Variants in NARS2 observed in about 807,000 individuals in gnomAD.
NARS2 encodes the protein asparaginyl-tRNA synthetase.
In NARS2, 60 loss-of-function variants were observed where a neutral mutation model predicts 62.9. The ratio of observed to expected loss-of-function variants is 0.95; its 90% CI spans 0.77 to 1.18. The LOEUF (loss-of-function observed/expected upper bound fraction) is 1.18. Among genes scored for constraint, NARS2 ranks in the 50% most tolerant of loss-of-function variants. The probability of loss-of-function intolerance (pLI) is 0.00; values close to 1 mark genes in which losing one functional copy is unlikely to be tolerated. For missense variants in NARS2, 619 were observed against 576.4 expected (o/e 1.07, Z -0.76); for synonymous variants, 196 against 200.0 (o/e 0.98, Z 0.17).
chr11:78,463,158 A>C (rs1009876013), intron 11 of NARS2, among the ~76,000 whole-genome samples: 15 of 152,122 alleles, frequency 9.9e-5, no homozygotes, highest in African/African-American at 2.7e-4. Flanking sequence ...TCGAGTTCCT[A>C]GGCTCCAGTA....
chr11:78,543,806 G>A (rs1410213266), intron 5 of NARS2, among the ~76,000 whole-genome samples: 1 of 152,034 alleles, frequency 6.6e-6, no homozygotes, highest in Non-Finnish European at 1.5e-5. Flanking sequence ...GCCAAGGCGG[G>A]CAGACCACGA....
intron 5 of NARS2, among the ~76,000 whole-genome samples, chr11:78,552,574 A>G (rs1856168348): frequency 6.6e-6 from 1 of 152,126 alleles, no homozygotes; most frequent in Non-Finnish European, 1.5e-5. Context: ...TTCTATTCAA[A>G]GTCATCCCTC....
chr11:78,458,709 C>G (rs1176248037), intron 11 of NARS2, among the ~76,000 whole-genome samples: 3 of 152,170 alleles, frequency 2.0e-5, no homozygotes, highest in Admixed American at 6.5e-5. Flanking sequence ...AGGTGTCCAC[C>G]ACGTCCCAGG....
chr11:78,564,222 A>T (rs1036100456), intron 4 of NARS2, among the ~76,000 whole-genome samples: 1 of 151,630 alleles, frequency 6.6e-6, no homozygotes, highest in Non-Finnish European at 1.5e-5. Context: ...TTAAGACAGG[A>T]TCTCACTCTC....
rs1232803118 is a variant in NARS2 at position 78,568,317 on chromosome 11, CAA to C, written c.372+313_372+314del. Reference sequence around the variant, plus strand: ...ATTGGATGATCGGTTCTACATCATGCAAAAGTCATTCTTGGCTTTCCTAAGAA... The same window carrying C: ...ATTGGATGATCGGTTCTACATCATGCAAGTCATTCTTGGCTTTCCTAAGAA... On this transcript the variant is annotated intron_variant, in intron 3 of 13. Coordinates refer to ENST00000281038, the MANE Select transcript of NARS2 (RefSeq NM_024678.6). Among the ~76,000 whole-genome samples, 6 of 152,068 alleles carry C rather than the reference CAA, an allele frequency of 3.9e-5. No homozygotes were observed. In the East Asian group the frequency reaches 1.2e-3, roughly 29 times the overall value.
At chr11:78,554,835 T>C (rs1478945147) in intron 5 of NARS2, among the ~76,000 whole-genome samples, 1 of 152,212 alleles carries the variant, frequency 6.6e-6, no homozygotes, top group Non-Finnish European at 1.5e-5. Context: ...CATCCTATAG[T>C]CTTCTGCTGG....
intron 13 of NARS2, among the ~76,000 whole-genome samples, chr11:78,439,336 C>T (rs1020711987): frequency 2.0e-5 from 3 of 152,094 alleles, no homozygotes; most frequent in African/African-American, 2.4e-5. Flanking sequence ...ACCGCACCCA[C>T]GGTGGCTTTG....
intron 6 of NARS2, among the ~76,000 whole-genome samples, chr11:78,494,403 A>T (rs1859965407): frequency 6.6e-6 from 1 of 151,828 alleles, no homozygotes; most frequent in African/African-American, 2.4e-5. Context: ...GCCAAATAAT[A>T]TTAAGATCAG....
intron 11 of NARS2, 102 bp from the exon 12 acceptor site, chr11:78,443,860 A>C (rs1857659066): frequency 1.4e-6 from 1 of 735,670 alleles, no homozygotes; most frequent in African/African-American, 1.8e-5. Context: ...TGGCTAATTA[A>C]CTACCTACCA....
chr11:78,490,310 A>G (rs575867378), intron 7 of NARS2, among the ~76,000 whole-genome samples: 1 of 152,216 alleles, frequency 6.6e-6, no homozygotes, highest in South Asian at 2.1e-4. Context: ...GAGTAGTCCA[A>G]CCCTTTTTAA....
At chr11:78,478,066 T>C (rs7110802) in intron 9 of NARS2, among the ~76,000 whole-genome samples, 5,196 of 152,250 alleles carry the variant, frequency 0.034, 269 homozygotes, top group African/African-American at 0.12. Flanking sequence ...TCTTGTCTTG[T>C]TGTAACCTAC....
chr11:78,545,033 G>A (rs1855803680), intron 5 of NARS2, among the ~76,000 whole-genome samples: 1 of 152,046 alleles, frequency 6.6e-6, no homozygotes, highest in Admixed American at 6.6e-5. Context: ...ATTTATAGTG[G>A]TCAAAGTCAG....
intron 2 of NARS2, among the ~76,000 whole-genome samples, chr11:78,569,968 C>G (rs1177960022): frequency 6.6e-6 from 1 of 152,136 alleles, no homozygotes; most frequent in African/African-American, 2.4e-5. Context: ...GCAGGCAGAT[C>G]ACTTGAGGTC....
At chr11:78,472,883 C>CA (rs1858935217) in intron 9 of NARS2, among the ~76,000 whole-genome samples, 1 of 152,228 alleles carries the variant, frequency 6.6e-6, no homozygotes, top group Admixed American at 6.5e-5. Flanking sequence ...CACCACCACA[C>CA]AATCTATTTC....
rs1858717221 is a variant in NARS2 at position 78,468,323 on chromosome 11, A to G, written c.1026+924T>C. Among the ~76,000 whole-genome samples, 2 of 149,244 alleles carry G rather than the reference A, an allele frequency of 1.3e-5. 1 individual carries two copies. The highest frequency in any genetic ancestry group is 4.9e-5 in the African/African-American group (2 of 40,830). ...AGCACTAAATCTGAAAAAAAAAAAA[A>G]AAAAAGAAAAAAAAGAAAAAGAAAA... On this transcript the variant is annotated intron_variant, in intron 10 of 13. Coordinates refer to ENST00000281038, the MANE Select transcript of NARS2 (RefSeq NM_024678.6).
intron 5 of NARS2, among the ~76,000 whole-genome samples, chr11:78,547,005 T>G (rs1249134681): frequency 6.6e-6 from 1 of 152,214 alleles, no homozygotes; most frequent in East Asian, 1.9e-4. Context: ...TGCTACGATT[T>G]CACGTGTCAG....
chr11:78,505,210 A>C (rs1860441193), intron 6 of NARS2, among the ~76,000 whole-genome samples: 1 of 151,010 alleles, frequency 6.6e-6, no homozygotes, highest in Admixed American at 6.6e-5. Flanking sequence ...ACTTCACCCT[A>C]GGAGTTTGAG....
intron 11 of NARS2, among the ~76,000 whole-genome samples, chr11:78,460,718 T>C (rs766042034): frequency 1.3e-5 from 2 of 152,142 alleles, no homozygotes; most frequent in East Asian, 1.9e-4. Flanking sequence ...GGAGAAATCA[T>C]AGGTTCAGTT....
chr11:78,551,311 CA>C (rs1376792412), intron 5 of NARS2, among the ~76,000 whole-genome samples: 6 of 152,306 alleles, frequency 3.9e-5, no homozygotes, highest in Admixed American at 6.5e-5. Context: ...CCCCAGGCTA[CA>C]AACCTGTATA....
Sources: gnomAD v4.1 joint callset for allele counts (sites outside exome capture counted in the v4.1 genomes callset) on GRCh38, gnomAD v4.1.1 for gene constraint, MANE v1.5 for transcripts, NCBI Gene and HGNC (gene_info 2026-07-23, HGNC 2026-07-21) for gene names.